Variants in CAMK1D observed in about 807,000 individuals in gnomAD.
CAMK1D encodes calcium/calmodulin dependent protein kinase ID.
A neutral mutation model predicts 47.7 loss-of-function variants in CAMK1D; 9 were observed. The observed-to-expected ratio is 0.19, with a 90% CI of 0.11 to 0.33. CAMK1D has a LOEUF of 0.33. Ranked by LOEUF, CAMK1D falls within the 10% of genes least tolerant of loss-of-function variation. The pLI is 1.00. For synonymous variants in CAMK1D, 184 were observed against 184.9 expected (o/e 0.99, Z 0.04); for missense variants, 291 against 488.7 (o/e 0.60, Z 3.81).
chr10:12,675,048 A>AAAGAACATT (rs1344544533), intron 3 of CAMK1D, among the ~76,000 whole-genome samples: 2 of 151,712 alleles, frequency 1.3e-5, no homozygotes, highest in Non-Finnish European at 2.9e-5. Context: ...AAAAAAAAAA[A>AAAGAACATT]AAGAACATTA....
chr10:12,499,141 G>C (rs1564374425), intron 1 of CAMK1D, among the ~76,000 whole-genome samples: 1 of 142,700 alleles, frequency 7.0e-6, no homozygotes, highest in Non-Finnish European at 1.5e-5. Flanking sequence ...GCTGATTAAT[G>C]AGCTAGAAGC....
At chr10:12,556,826 G>T (rs913171223) in intron 2 of CAMK1D, among the ~76,000 whole-genome samples, 1 of 152,210 alleles carries the variant, frequency 6.6e-6, no homozygotes, top group African/African-American at 2.4e-5. Context: ...AGAATGGACT[G>T]GGGGGCCAGG....
At chr10:12,803,606 G>T (rs1301321712) in intron 6 of CAMK1D, among the ~76,000 whole-genome samples, 3 of 152,162 alleles carry the variant, frequency 2.0e-5, no homozygotes, top group Admixed American at 2.0e-4. Context: ...AGTGAGCCGA[G>T]ATCACGCCAT....
chr10:12,795,564 A>G (rs1375130875), intron 6 of CAMK1D, among the ~76,000 whole-genome samples: 2 of 152,190 alleles, frequency 1.3e-5, no homozygotes, highest in Non-Finnish European at 2.9e-5. Context: ...GTTTTGGAGC[A>G]TAGCACTCTT....
chr10:12,777,139 A>G (rs762113828), intron 5 of CAMK1D, among the ~76,000 whole-genome samples: 12 of 152,132 alleles, frequency 7.9e-5, no homozygotes, highest in Non-Finnish European at 1.2e-4. Context: ...AAGGAGAGGA[A>G]AGATCCCAGA....
intron 2 of CAMK1D, among the ~76,000 whole-genome samples, chr10:12,621,627 G>T (rs1257467306): frequency 6.6e-6 from 1 of 151,896 alleles, no homozygotes; most frequent in East Asian, 1.9e-4. Flanking sequence ...TTAAATATTG[G>T]TATAAATGTT....
chr10:12,736,892 T>A (rs1835214455), intron 3 of CAMK1D, among the ~76,000 whole-genome samples: 1 of 152,234 alleles, frequency 6.6e-6, no homozygotes, highest in Admixed American at 6.5e-5. Flanking sequence ...ACTCTCTGGC[T>A]TTCCGGTCTT....
intron 1 of CAMK1D, among the ~76,000 whole-genome samples, chr10:12,471,334 G>A (rs1366720210): frequency 1.3e-5 from 2 of 152,180 alleles, no homozygotes; most frequent in Non-Finnish European, 1.5e-5. Context: ...TTACCTTTGG[G>A]CATGAGACCC....
intron 6 of CAMK1D, among the ~76,000 whole-genome samples, chr10:12,795,136 A>C (rs1838140065): frequency 6.6e-6 from 1 of 152,132 alleles, no homozygotes; most frequent in Admixed American, 6.6e-5. Flanking sequence ...CATTGAGGAC[A>C]GGGAAAAGCA....
intron 1 of CAMK1D, among the ~76,000 whole-genome samples, chr10:12,476,341 C>T (rs549995730): frequency 6.6e-6 from 1 of 151,712 alleles, no homozygotes; most frequent in East Asian, 1.9e-4. Context: ...GCTTGGGTGA[C>T]TAGATGACCA....
intron 3 of CAMK1D, among the ~76,000 whole-genome samples, chr10:12,695,290 T>C (rs1233608856): frequency 6.6e-6 from 1 of 152,176 alleles, no homozygotes; most frequent in Non-Finnish European, 1.5e-5. Context: ...GAAACGGTTC[T>C]CTGAAGAGGT....
At chr10:12,661,693 C>T (rs1840278962) in intron 2 of CAMK1D, among the ~76,000 whole-genome samples, 1 of 152,176 alleles carries the variant, frequency 6.6e-6, no homozygotes, top group Non-Finnish European at 1.5e-5. Flanking sequence ...AGAAGAGTCA[C>T]AGCTGAAATG....
Position 12,389,027 on chromosome 10 carries a change from T to G in CAMK1D, c.92+39117T>G, listed in dbSNP as rs143317474. 2.4e-3 allele frequency among the ~76,000 whole-genome samples: 373 copies of G among 152,318 alleles called. 2 individuals are homozygous for G. The highest frequency in any genetic ancestry group is 3.6e-3 in the Non-Finnish European group (243 of 68,026). ...CTGATGGAGACACCACCATACTCCA[T>G]GGAAGGTCCTTCCTGTCCGATCTGT... On this transcript the variant is annotated intron_variant, in intron 1 of 10. Coordinates refer to ENST00000619168, the MANE Select transcript of CAMK1D (RefSeq NM_153498.4).
chr10:12,372,323 T>C (rs1484791463), intron 1 of CAMK1D, among the ~76,000 whole-genome samples: 1 of 152,202 alleles, frequency 6.6e-6, no homozygotes, highest in East Asian at 1.9e-4. Context: ...TCACCACCAT[T>C]TTAGAGATGA....
intron 1 of CAMK1D, among the ~76,000 whole-genome samples, chr10:12,509,155 G>A (rs563822971): frequency 5.9e-5 from 9 of 152,206 alleles, no homozygotes; most frequent in African/African-American, 2.4e-5. Flanking sequence ...ATAATTGCAC[G>A]ACTTTCCCTT....
At chr10:12,713,372 C>T (rs537313394) in intron 3 of CAMK1D, among the ~76,000 whole-genome samples, 17 of 152,218 alleles carry the variant, frequency 1.1e-4, no homozygotes, top group African/African-American at 3.9e-4. Flanking sequence ...CCATGAGTTG[C>T]GTTTTACCCT....
intron 1 of CAMK1D, among the ~76,000 whole-genome samples, chr10:12,449,624 G>A (rs973767798): frequency 2.7e-5 from 4 of 150,194 alleles, no homozygotes; most frequent in Admixed American, 1.3e-4. Flanking sequence ...ATCATGTTAC[G>A]ATGTATACAT....
intron 1 of CAMK1D, among the ~76,000 whole-genome samples, chr10:12,537,434 A>G (rs1588608192): frequency 6.6e-6 from 1 of 152,246 alleles, no homozygotes; most frequent in African/African-American, 2.4e-5. Flanking sequence ...TAGCCAGATT[A>G]GTTTCCCAAA....
chr10:12,574,769 G>C (rs1016227178), intron 2 of CAMK1D, among the ~76,000 whole-genome samples: 3 of 152,050 alleles, frequency 2.0e-5, no homozygotes, highest in Non-Finnish European at 4.4e-5. Flanking sequence ...AAACATAGAG[G>C]CTTCTGCTTC....
Sources: allele counts gnomAD v4.1 joint callset (sites outside exome capture counted in the v4.1 genomes callset), GRCh38; gene constraint gnomAD v4.1.1; transcripts MANE v1.5; gene names NCBI Gene and HGNC (gene_info 2026-07-23, HGNC 2026-07-21).